Variants in CTNNA3 observed in about 807,000 individuals in gnomAD.
CTNNA3 encodes the protein catenin alpha-3.
CTNNA3 carries 76 observed loss-of-function variants against 95.7 expected under a neutral mutation model. The ratio of observed to expected loss-of-function variants is 0.79; its 90% CI spans 0.66 to 0.96. The LOEUF (loss-of-function observed/expected upper bound fraction) is 0.96, where lower values mean the gene tolerates loss of function less well. Ranked by LOEUF, CTNNA3 falls within the 40% of genes least tolerant of loss-of-function variation. The probability of loss-of-function intolerance (pLI) is 0.00; values close to 1 mark genes in which losing one functional copy is unlikely to be tolerated. For synonymous variants in CTNNA3, 431 were observed against 374.4 expected (o/e 1.15, Z -1.74); for missense variants, 1,191 against 1,089.8 (o/e 1.09, Z -1.31).
chr10:66,537,893 C>T (rs529470831), intron 10 of CTNNA3, among the ~76,000 whole-genome samples: 2 of 152,162 alleles, frequency 1.3e-5, no homozygotes, highest in East Asian at 3.9e-4. Context: ...CCATAGTTCC[C>T]AGGTTTTTCT....
chr10:66,967,031 A>G (rs963617216), intron 7 of CTNNA3, among the ~76,000 whole-genome samples: 17 of 152,086 alleles, frequency 1.1e-4, no homozygotes, highest in African/African-American at 3.6e-4. Flanking sequence ...TCATAGCGCA[A>G]AAAGAAATAT....
intron 13 of CTNNA3, among the ~76,000 whole-genome samples, chr10:66,138,440 C>T (rs1227177692): frequency 2.0e-5 from 3 of 152,072 alleles, no homozygotes; most frequent in African/African-American, 7.2e-5. Context: ...TTCTATATGG[C>T]CTTGTATTTT....
intron 9 of CTNNA3, among the ~76,000 whole-genome samples, chr10:66,624,101 A>G (rs10997264): frequency 0.33 from 50,598 of 152,102 alleles, 8,839 homozygotes; most frequent in Middle Eastern, 0.5. Context: ...GTTGGTATTC[A>G]TAAGATCTCT....
At chr10:66,741,456 C>T (rs1357634143) in intron 9 of CTNNA3, among the ~76,000 whole-genome samples, 2 of 152,082 alleles carry the variant, frequency 1.3e-5, no homozygotes, top group African/African-American at 2.4e-5. Flanking sequence ...AAGGCTGGGC[C>T]GAGATGGGTA....
chr10:66,809,219 A>G (rs1841779205), intron 7 of CTNNA3, among the ~76,000 whole-genome samples: 1 of 152,176 alleles, frequency 6.6e-6, no homozygotes, highest in Admixed American at 6.6e-5. Context: ...AGGCAATTTG[A>G]CTGGAATTAT....
At chr10:67,139,440 C>A (rs896449787) in intron 7 of CTNNA3, among the ~76,000 whole-genome samples, 1 of 151,722 alleles carries the variant, frequency 6.6e-6, no homozygotes, top group African/African-American at 2.4e-5. Flanking sequence ...AGCCACCATA[C>A]CCGGCCTATT....
At chr10:67,667,918 C>T (rs983177349) in intron 1 of CTNNA3, among the ~76,000 whole-genome samples, 31 of 152,132 alleles carry the variant, frequency 2.0e-4, no homozygotes, top group Admixed American at 5.9e-4. Context: ...ACCCACTATT[C>T]AGAATAAAAC....
chr10:66,131,044 G>C (rs1296439534), intron 13 of CTNNA3, among the ~76,000 whole-genome samples: 2 of 124,990 alleles, frequency 1.6e-5, no homozygotes, highest in Non-Finnish European at 3.2e-5. Context: ...CTCTATAATT[G>C]AATCAGTAAT....
intron 5 of CTNNA3, among the ~76,000 whole-genome samples, chr10:67,346,997 A>AT (rs1167166181): frequency 6.6e-6 from 1 of 151,936 alleles, no homozygotes; most frequent in South Asian, 2.1e-4. Flanking sequence ...AATTATGAGA[A>AT]TTTTTTTATT....
chr10:67,115,409 A>G (rs991325047), intron 7 of CTNNA3, among the ~76,000 whole-genome samples: 1 of 152,062 alleles, frequency 6.6e-6, no homozygotes, highest in Non-Finnish European at 1.5e-5. Context: ...TAATGGGTGC[A>G]GCACACCAGC....
chr10:67,373,001 G>A (rs1172780442), intron 5 of CTNNA3, among the ~76,000 whole-genome samples: 6 of 152,074 alleles, frequency 3.9e-5, no homozygotes, highest in East Asian at 1.9e-4. Context: ...AGGAACAACC[G>A]GTACCAGCCA....
At chr10:66,214,522 G>A (rs1054721264) in intron 13 of CTNNA3, among the ~76,000 whole-genome samples, 2 of 152,048 alleles carry the variant, frequency 1.3e-5, no homozygotes, top group African/African-American at 4.8e-5. Context: ...TATTCCTCTT[G>A]TTCCTAGAAG....
At chr10:67,546,080 T>G (rs1451128297) in intron 3 of CTNNA3, among the ~76,000 whole-genome samples, 1 of 152,132 alleles carries the variant, frequency 6.6e-6, no homozygotes, top group Non-Finnish European at 1.5e-5. Context: ...CAAAGAAAAA[T>G]GAAATTTTTT....
chr10:66,287,107 C>A (rs2091601756), intron 12 of CTNNA3, among the ~76,000 whole-genome samples: 1 of 152,018 alleles, frequency 6.6e-6, no homozygotes, highest in African/African-American at 2.4e-5. Flanking sequence ...CTTGGACACG[C>A]TAATGCCTGA....
chr10:67,334,202 C>A (rs1841901213), intron 5 of CTNNA3: 1 of 157,334 alleles, frequency 6.4e-6, no homozygotes, highest in South Asian at 1.8e-4. Flanking sequence ...GGTGGTGAAT[C>A]CCCTGTTTGA....
At chr10:66,769,912 T>C (rs1840019793) in intron 8 of CTNNA3, among the ~76,000 whole-genome samples, 1 of 152,208 alleles carries the variant, frequency 6.6e-6, no homozygotes, top group East Asian at 1.9e-4. Flanking sequence ...ACCTCCTAAA[T>C]AAATGACCTG....
intron 1 of CTNNA3, among the ~76,000 whole-genome samples, chr10:67,712,115 C>T (rs1451519156): frequency 6.6e-6 from 1 of 152,114 alleles, no homozygotes; most frequent in African/African-American, 2.4e-5. Flanking sequence ...TTCACAATAG[C>T]AAAGACTTGG....
intron 5 of CTNNA3, among the ~76,000 whole-genome samples, chr10:67,250,394 T>G (rs891970458): frequency 2.0e-5 from 3 of 152,116 alleles, no homozygotes; most frequent in Non-Finnish European, 4.4e-5. Flanking sequence ...TTTTTGTATT[T>G]TTAGTAGAAA....
chr10:66,737,205 T>A (rs887806067), intron 9 of CTNNA3, among the ~76,000 whole-genome samples: 8 of 152,222 alleles, frequency 5.3e-5, no homozygotes, highest in Non-Finnish European at 8.8e-5. Flanking sequence ...CTAGTTCACT[T>A]AAATTTTCAG....
Sources: allele counts gnomAD v4.1 joint callset (sites outside exome capture counted in the v4.1 genomes callset), GRCh38; gene constraint gnomAD v4.1.1; transcripts MANE v1.5; gene names NCBI Gene and HGNC (gene_info 2026-07-23, HGNC 2026-07-21).